Variants in MAML2 observed in about 807,000 individuals in gnomAD.
MAML2 encodes the protein mastermind-like protein 2.
Under a neutral mutation model 96.1 loss-of-function variants are expected in MAML2, and 22 were observed. The observed-to-expected ratio is 0.23, with a 90% CI of 0.16 to 0.33. The LOEUF is 0.33. MAML2 is among the 10% of genes least tolerant of loss of function. The probability of loss-of-function intolerance (pLI) is 1.00; values close to 1 mark genes in which losing one functional copy is unlikely to be tolerated. For synonymous variants in MAML2, 561 were observed against 521.3 expected (o/e 1.08, Z -1.04); for missense variants, 1,367 against 1,392.4 (o/e 0.98, Z 0.29).
intron 1 of MAML2, among the ~76,000 whole-genome samples, chr11:96,163,858 CTTTCTT>C (rs1469803567): frequency 9.9e-6 from 1 of 100,534 alleles, no homozygotes; most frequent in Non-Finnish European, 1.8e-5. Flanking sequence ...TTCTTTCTCT[CTTTCTT>C]TTTTTTTTTT....
intron 1 of MAML2, among the ~76,000 whole-genome samples, chr11:96,216,449 C>T (rs1159401784): frequency 1.3e-5 from 2 of 152,086 alleles, no homozygotes; most frequent in East Asian, 3.8e-4. Context: ...AATTTTACTT[C>T]ACTTCTCTTG....
chr11:96,324,211 C>T (rs1863745453), intron 1 of MAML2, among the ~76,000 whole-genome samples: 1 of 152,344 alleles, frequency 6.6e-6, no homozygotes, highest in Middle Eastern at 3.4e-3. Flanking sequence ...AATTCTGACT[C>T]CACCACTTGT....
At chr11:96,244,689 T>C (rs556277061) in intron 1 of MAML2, among the ~76,000 whole-genome samples, 1 of 152,204 alleles carries the variant, frequency 6.6e-6, no homozygotes, top group Non-Finnish European at 1.5e-5. Context: ...GAAACAGAGG[T>C]TTGTATCATT....
chr11:96,112,952 T>C (rs144785434), intron 1 of MAML2, among the ~76,000 whole-genome samples: 2 of 152,308 alleles, frequency 1.3e-5, no homozygotes, highest in African/African-American at 4.8e-5. Context: ...AAGCAAAAGT[T>C]CGCCCTCTGC....
intron 2 of MAML2, among the ~76,000 whole-genome samples, chr11:96,075,013 G>A (rs1030157984): frequency 2.6e-5 from 4 of 152,152 alleles, no homozygotes; most frequent in South Asian, 4.1e-4. Context: ...AAACATAGCC[G>A]GAAACTTGAG....
chr11:96,079,388 C>T (rs550662823), intron 2 of MAML2, among the ~76,000 whole-genome samples: 18 of 152,152 alleles, frequency 1.2e-4, no homozygotes, highest in Admixed American at 1.2e-3. Flanking sequence ...TGAGCAAATT[C>T]CTTGAGGGCA....
intron 1 of MAML2, among the ~76,000 whole-genome samples, chr11:96,095,299 A>G (rs1859807010): frequency 6.6e-6 from 1 of 152,164 alleles, no homozygotes; most frequent in Non-Finnish European, 1.5e-5. Context: ...AGTGGGAAAA[A>G]TCTGCTTTTT....
chr11:96,083,727 G>T (rs985165768), intron 2 of MAML2, among the ~76,000 whole-genome samples: 4 of 152,172 alleles, frequency 2.6e-5, no homozygotes, highest in African/African-American at 9.7e-5. Context: ...ACTAAGTTTT[G>T]GGTCCCTGCA....
intron 1 of MAML2, among the ~76,000 whole-genome samples, chr11:96,262,998 T>A (rs773974227): frequency 6.6e-6 from 1 of 152,206 alleles, no homozygotes; most frequent in African/African-American, 2.4e-5. Context: ...TAATTGCTAA[T>A]AGTAAACTGC....
At chr11:96,001,385 G>A (rs971800723) in intron 2 of MAML2, among the ~76,000 whole-genome samples, 10 of 152,154 alleles carry the variant, frequency 6.6e-5, no homozygotes, top group Non-Finnish European at 1.3e-4. Flanking sequence ...ACTTTAGAAG[G>A]ATTCTTTGTG....
intron 2 of MAML2, among the ~76,000 whole-genome samples, chr11:96,077,196 C>G (rs1316531447): frequency 7.4e-6 from 1 of 135,104 alleles, no homozygotes. Flanking sequence ...CTCTTTCTGA[C>G]TTTTTACCCC....
At chr11:96,327,369 G>C (rs546000312) in intron 1 of MAML2, among the ~76,000 whole-genome samples, 1 of 152,136 alleles carries the variant, frequency 6.6e-6, no homozygotes, top group Admixed American at 6.5e-5. Flanking sequence ...TAATTGGCAG[G>C]TTCTTGTCTT....
chr11:96,073,189 G>A (rs148241933), intron 2 of MAML2, among the ~76,000 whole-genome samples: 1 of 152,026 alleles, frequency 6.6e-6, no homozygotes, highest in Non-Finnish European at 1.5e-5. Flanking sequence ...TTACTTGTGA[G>A]TTTTGTGCAA....
rs375550976 is a variant in MAML2 at position 96,029,782 on chromosome 11, T to A, written c.2140-38059A>T. 6.6e-5 allele frequency among the ~76,000 whole-genome samples: 10 copies of A among 152,330 alleles called. 1 individual carries two copies. The East Asian group carries it at 1.7e-3, about 26-fold the overall frequency. On this transcript the variant is annotated intron_variant, in intron 2 of 4. Transcript: ENST00000524717. Reference sequence around the variant, plus strand: ...AATTTAGTGGTGAGGTTTCAGGAAATGAAAGATTTCAGGTGCTCAAAGATA... The same window carrying A: ...AATTTAGTGGTGAGGTTTCAGGAAAAGAAAGATTTCAGGTGCTCAAAGATA...
At chr11:96,303,506 C>CA (rs1863418993) in intron 1 of MAML2, among the ~76,000 whole-genome samples, 2 of 152,168 alleles carry the variant, frequency 1.3e-5, no homozygotes, top group South Asian at 2.1e-4. Context: ...AAACCATATA[C>CA]AAAAAACTAC....
intron 3 of MAML2, 36 bp downstream of exon 3, chr11:95,991,484 C>A (rs749544175): frequency 6.3e-7 from 1 of 1,593,128 alleles, no homozygotes; most frequent in Non-Finnish European, 8.6e-7. Context: ...GTTGGGTCAA[C>A]AGGTTTGTTC....
At chr11:96,310,284 G>A (rs900841452) in intron 1 of MAML2, among the ~76,000 whole-genome samples, 1 of 151,954 alleles carries the variant, frequency 6.6e-6, no homozygotes, top group Non-Finnish European at 1.5e-5. Context: ...GAAAGTCAGA[G>A]CAACATAAAA....
intron 1 of MAML2, among the ~76,000 whole-genome samples, chr11:96,183,287 A>T (rs1235206080): frequency 6.6e-6 from 1 of 151,572 alleles, no homozygotes; most frequent in African/African-American, 2.4e-5. Flanking sequence ...CATGTTCTAT[A>T]TTCAGCATAT....
chr11:95,992,882 CTCTT>C (rs1389781618), intron 2 of MAML2, among the ~76,000 whole-genome samples: 1 of 149,842 alleles, frequency 6.7e-6, no homozygotes, highest in East Asian at 2.0e-4. Context: ...ATCCAACTCT[CTCTT>C]TTTTTTTTTT....
Sources: allele counts gnomAD v4.1 joint callset (sites outside exome capture counted in the v4.1 genomes callset), GRCh38; gene constraint gnomAD v4.1.1; transcripts MANE v1.5; gene names NCBI Gene and HGNC (gene_info 2026-07-23, HGNC 2026-07-21).